The following MYL1 variants were observed in gnomAD, a reference collection of about 807,000 sequenced individuals.
MYL1 encodes myosin light chain 1, also known as myosin light chain 1/3, skeletal muscle isoform.
MYL1 carries 16 observed loss-of-function variants against 21.8 expected under a neutral mutation model. That is an observed-to-expected ratio of 0.74 (90% CI 0.50 to 1.12). MYL1 has a LOEUF of 1.12. Among genes scored for constraint, MYL1 ranks in the 50% most tolerant of loss-of-function variants. The probability of loss-of-function intolerance (pLI) is 0.00; values close to 1 mark genes in which losing one functional copy is unlikely to be tolerated. For synonymous variants in MYL1, 99 were observed against 85.2 expected (o/e 1.16, Z -0.89); for missense variants, 246 against 241.0 (o/e 1.02, Z -0.14).
chr2:210,295,705 T>C (rs1347394545), intron 3 of MYL1, among the ~76,000 whole-genome samples: 1 of 151,276 alleles, frequency 6.6e-6, no homozygotes, highest in Non-Finnish European at 1.5e-5. Flanking sequence ...CTCACGCCTA[T>C]AATCCCAGCA....
Position 210,314,969 on chromosome 2 carries a change from G to A in MYL1, c.74C>T (p.Ala25Val). The A allele has an allele frequency of 2.5e-6, 4 of 1,613,170 alleles. No homozygotes were observed. In the South Asian group the frequency reaches 4.4e-5, roughly 18 times the overall value. ...AAAPAPAPAP[A>V]PAPAPAKPKE... Reference sequence around the variant, plus strand: ...GGGTTTGGCTGGGGCAGGGGCAGGTGCAGGTGCCGGTGCCGGGGCTGGGGC... The same window carrying A: ...GGGTTTGGCTGGGGCAGGGGCAGGTACAGGTGCCGGTGCCGGGGCTGGGGC... Residue 25 changes from alanine (A) to valine (V), a missense_variant, in exon 1 of 7, where the codon GCA becomes GTA. Ala to Val is a moderately conservative substitution (Grantham distance 64). Coordinates refer to ENST00000352451, the MANE Select transcript of MYL1 (RefSeq NM_079420.3).
intron 3 of MYL1, among the ~76,000 whole-genome samples, chr2:210,295,272 G>C (rs1158018637): frequency 6.6e-6 from 1 of 152,098 alleles, no homozygotes; most frequent in Non-Finnish European, 1.5e-5. Context: ...AAATTTGAAT[G>C]CTGAATAAAT....
chr2:210,299,101 G>A (rs915165341), intron 2 of MYL1, among the ~76,000 whole-genome samples: 2 of 152,116 alleles, frequency 1.3e-5, no homozygotes, highest in African/African-American at 4.8e-5. Context: ...AGAAAGGTGA[G>A]ACAAATCTAT....
intron 6 of MYL1, 109 bp downstream of exon 6, chr2:210,290,923 C>T (rs949120793): frequency 1.8e-5 from 10 of 566,210 alleles, no homozygotes; most frequent in Admixed American, 3.2e-5. Context: ...ATAAATATCT[C>T]GTAATTAAGA....
intron 3 of MYL1, among the ~76,000 whole-genome samples, chr2:210,295,826 GAA>G (rs753119896): frequency 1.4e-5 from 1 of 69,792 alleles, no homozygotes; most frequent in Non-Finnish European, 3.1e-5. Context: ...CCCTGCCTCA[GAA>G]AAAAAAAAAA....
intron 3 of MYL1, among the ~76,000 whole-genome samples, chr2:210,295,280 A>T (rs999101697): frequency 6.6e-6 from 1 of 152,178 alleles, no homozygotes; most frequent in African/African-American, 2.4e-5. Context: ...ATGCTGAATA[A>T]ATGAGTATTT....
chr2:210,314,195 A>G (rs946588389), intron 1 of MYL1, among the ~76,000 whole-genome samples: 2 of 152,218 alleles, frequency 1.3e-5, no homozygotes, highest in Admixed American at 6.5e-5. Context: ...ACTCTAAGAC[A>G]TAAGCTAAAA....
At chr2:210,292,182 C>A (rs1001091168) in intron 5 of MYL1, among the ~76,000 whole-genome samples, 1 of 152,210 alleles carries the variant, frequency 6.6e-6, no homozygotes, top group Non-Finnish European at 1.5e-5. Context: ...GATTCTCGTG[C>A]CTCAGCCTTC....
chr2:210,306,667 A>G (rs1360442767), intron 1 of MYL1, among the ~76,000 whole-genome samples: 2 of 152,060 alleles, frequency 1.3e-5, no homozygotes, highest in East Asian at 3.9e-4. Context: ...TAGAAGACCT[A>G]GATTCTGTGC....
At chr2:210,302,731 T>A (rs1242742631) in intron 1 of MYL1, 1 of 1,559,646 alleles carries the variant, frequency 6.4e-7, no homozygotes, top group African/African-American at 1.4e-5. Flanking sequence ...GGCAGTGCTG[T>A]GCCTACATCT....
intron 1 of MYL1, chr2:210,303,636 C>T: frequency 6.4e-7 from 1 of 1,555,812 alleles, no homozygotes; most frequent in Non-Finnish European, 8.7e-7. Flanking sequence ...CTGGCTGAGG[C>T]TTCCTTTTAT....
intron 1 of MYL1, among the ~76,000 whole-genome samples, chr2:210,305,567 T>C (rs1690330845): frequency 6.6e-6 from 1 of 152,196 alleles, no homozygotes; most frequent in Non-Finnish European, 1.5e-5. Context: ...AATCATCTTA[T>C]GATTATTGAG....
At chr2:210,297,036 T>TATAC (rs1690185164) in intron 3 of MYL1, among the ~76,000 whole-genome samples, 1 of 147,388 alleles carries the variant, frequency 6.8e-6, no homozygotes, top group African/African-American at 2.5e-5. Context: ...TATATATATA[T>TATAC]ACATATATAT....
chr2:210,311,405 C>A (rs185836969), intron 1 of MYL1, among the ~76,000 whole-genome samples: 1 of 152,180 alleles, frequency 6.6e-6, no homozygotes, highest in Admixed American at 6.5e-5. Context: ...TCTTCCCAGG[C>A]ATGTGGTCAA....
Position 210,314,945 on chromosome 2 carries a change from G to A in MYL1, c.98C>T (p.Pro33Leu). 3.7e-6 allele frequency: 6 copies of A among 1,613,760 alleles called. No individual in the cohort carries two copies. The highest frequency in any genetic ancestry group is 5.1e-6 in the Non-Finnish European group (6 of 1,179,792). Reference protein sequence around the residue: ...APAPAPAPAKPKEEKIDLSAI... With the variant: ...APAPAPAPAKLKEEKIDLSAI... ...AGAGAGGTCAATTTTTTCTTCTTTG[G>A]GTTTGGCTGGGGCAGGGGCAGGTGC... Residue 33 changes from proline to leucine, a missense_variant, in exon 1 of 7, where the codon CCC becomes CTC. Transcript: ENST00000352451.
In MYL1 at chr2:210,298,414, G is replaced by A; in HGVS notation, c.304+6C>T. The A allele has an allele frequency of 1.9e-6, 3 of 1,611,492 alleles. No individual in the cohort carries two copies. The highest frequency in any genetic ancestry group is 1.1e-5 in the South Asian group (1 of 90,984). ...TCCACACTTCTTGGAAAAATTGATGGGTTACCTTCATTGCTGGGGTTTCCC... is the reference window on the plus strand; with the variant it reads ...TCCACACTTCTTGGAAAAATTGATGAGTTACCTTCATTGCTGGGGTTTCCC... On this transcript the variant is annotated splice_donor_region_variant and intron_variant, in intron 3 of 6. Transcript: ENST00000352451.
rs79652565 is a variant in MYL1 at position 210,314,459 on chromosome 2, C to T, written c.132+452G>A. ...GAAGAAGGAAAGTAACTGTCAAATA[C>T]ATAAAGGACAACCGGGCCATCAGCT... On this transcript the variant is annotated intron_variant, in intron 1 of 6. Transcript: ENST00000352451. 6.6e-3 allele frequency among the ~76,000 whole-genome samples: 1,008 copies of T among 152,208 alleles called. 10 individuals carry two copies. Among genetic ancestry groups the T allele is most frequent in the African/African-American group, 0.023 (942 of 41,536 alleles).
chr2:210,293,752 T>C lies in MYL1; in HGVS notation c.527A>G (p.Glu176Gly). The C allele has an allele frequency of 6.2e-7, 1 of 1,614,078 alleles. No individual in the cohort carries two copies. Among genetic ancestry groups the C allele is most frequent in the Non-Finnish European group, 8.5e-7 (1 of 1,179,952 alleles). The change falls in exon 5 of 7, where the codon GAA becomes GGA. Residue 176 changes from glutamate to glycine, a missense_variant. By Grantham distance (98) the Glu-to-Gly change is moderately conservative. Coordinates refer to ENST00000352451, the MANE Select transcript of MYL1 (RefSeq NM_079420.3). ...GTAGTTGATGCAGCCATTGGAGTCT[T>C]CTTGACCTGCCATCAGGGCTTCCAC... ...EEVEALMAGQ[E>G]DSNGCINYEA... is the part of the protein sequence containing the mutation.
At position 210,300,415 on chromosome 2, in the gene MYL1, G is replaced by A. The variant is rs762382540; in HGVS notation, c.161-1852C>T. 4.6e-5 allele frequency among the ~76,000 whole-genome samples: 7 copies of A among 151,918 alleles called. 1 individual carries two copies. The highest frequency in any genetic ancestry group is 1.5e-4 in the African/African-American group (6 of 41,352). ...GTTTCTTTTTAATAAAATTTGATTC[G>A]GATACAGCCATTCCCATTCTTTTAT... is the stretch of plus-strand genomic sequence containing the variant. On this transcript the variant is annotated intron_variant, in intron 2 of 6. Transcript: ENST00000352451.
Sources: allele counts gnomAD v4.1 joint callset (sites outside exome capture counted in the v4.1 genomes callset), GRCh38; gene constraint gnomAD v4.1.1; transcripts MANE v1.5; gene names NCBI Gene and HGNC (gene_info 2026-07-23, HGNC 2026-07-21).